The following PSMB2 variants were observed in gnomAD, a reference collection of about 807,000 sequenced individuals.
PSMB2 encodes proteasome subunit beta type-2.
PSMB2 carries 13 observed loss-of-function variants against 25.7 expected under a neutral mutation model. That is an observed-to-expected ratio of 0.51 (90% CI 0.33 to 0.80). The LOEUF is 0.80. Among genes scored for constraint, PSMB2 ranks in the 30% least tolerant of loss-of-function variants. PSMB2 has a pLI of 0.02. For synonymous variants in PSMB2, 87 were observed against 96.2 expected (o/e 0.90, Z 0.56); for missense variants, 202 against 259.0 (o/e 0.78, Z 1.51).
chr1:35,603,317 T>C lies in PSMB2; in HGVS notation c.556A>G (p.Asn186Asp), dbSNP rs1203949951. Residue 186 changes from asparagine to aspartate, a missense_variant, in exon 6 of 6, where the codon AAT (asparagine) becomes GAT (aspartate). By Grantham distance (23) the Asn-to-Asp change is conservative (BLOSUM62 1). Transcript: ENST00000373237. ...ATGTTATCCAGGTCATGGATGCCAT[T>C]TTTGTCAATGATTCGAACACTGAAG... is the stretch of plus-strand genomic sequence containing the variant. Reference protein sequence around the residue: ...PTFSVRIIDKNGIHDLDNISF... With the variant: ...PTFSVRIIDKDGIHDLDNISF... 6.2e-7 allele frequency: 1 copy of C among 1,614,168 alleles called. No individual in the cohort carries two copies. Among genetic ancestry groups the C allele is most frequent in the East Asian group, 2.2e-5 (1 of 44,886 alleles).
Position 35,602,343 on chromosome 1 carries a change from A to G in PSMB2, c.*924T>C, listed in dbSNP as rs897537277. On this transcript the variant is annotated 3_prime_UTR_variant, in exon 6 of 6. Coordinates refer to ENST00000373237, the MANE Select transcript of PSMB2 (RefSeq NM_002794.5). ...AGACCCTGTCTCTAAATAAATAAAT[A>G]AATCTAAAAAATTTAAAGGGGGCAT... 4 of 152,206 alleles carry G rather than the reference A, an allele frequency of 2.6e-5. No individual in the cohort carries two copies. The highest frequency in any genetic ancestry group is 9.7e-5 in the African/African-American group (4 of 41,448). The allele number at this position is 152,206 out of a possible 1,614,324, so 9.4% of individuals were successfully genotyped here. A position where few individuals can be genotyped will look rare whatever the true frequency, so the allele number is the denominator to read the frequency against.
rs1188608814 is a variant in PSMB2, at chr1:35,603,289, G to A, written c.584C>T (p.Ser195Phe). 6.2e-7 allele frequency: 1 copy of A among 1,614,136 alleles called. No individual in the cohort carries two copies. The highest frequency in any genetic ancestry group is 8.5e-7 in the Non-Finnish European group (1 of 1,179,992). Residue 195 changes from serine (S) to phenylalanine (F), a missense_variant, in exon 6 of 6, where the codon TCC becomes TTC. Physicochemically the swap from Ser to Phe is radical, Grantham distance 155. Coordinates refer to ENST00000373237, the MANE Select transcript of PSMB2 (RefSeq NM_002794.5). ...KNGIHDLDNISFPKQGS is the reference protein window; with the variant it reads ...KNGIHDLDNIFFPKQGS ...ATGTTAGGAGCCCTGTTTGGGGAAG[G>A]AAATGTTATCCAGGTCATGGATGCC...
chr1:35,639,798 A>G (rs764531517), intron 1 of PSMB2, among the ~76,000 whole-genome samples: 1 of 152,236 alleles, frequency 6.6e-6, no homozygotes, highest in Non-Finnish European at 1.5e-5. Flanking sequence ...ATTTACTCTC[A>G]AAACAAATTC....
At chr1:35,630,923 T>C (rs749282065) in intron 3 of PSMB2, among the ~76,000 whole-genome samples, 4 of 152,130 alleles carry the variant, frequency 2.6e-5, no homozygotes, top group Admixed American at 6.5e-5. Context: ...ATGCTATACA[T>C]GTGGGTGAGG....
At chr1:35,638,668 G>A (rs940340050) in intron 1 of PSMB2, among the ~76,000 whole-genome samples, 3 of 152,180 alleles carry the variant, frequency 2.0e-5, no homozygotes, top group Non-Finnish European at 4.4e-5. Context: ...ATTCTGTGTG[G>A]GCTGGAGTAC....
Position 35,603,188 on chromosome 1 carries a change from T to A in PSMB2, c.*79A>T, listed in dbSNP as rs1222141719. 4 of 1,543,622 alleles carry A rather than the reference T, an allele frequency of 2.6e-6. No homozygotes were observed. In the East Asian group the frequency reaches 9.1e-5, roughly 35 times the overall value. On this transcript the variant is annotated 3_prime_UTR_variant, in exon 6 of 6. Coordinates refer to ENST00000373237, the MANE Select transcript of PSMB2 (RefSeq NM_002794.5). ...TTCTGAATTAACCATTTATCAAGAGTGCGCCTGAAAAGAGTAGAAAAAAAT... is the reference window on the plus strand; with the variant it reads ...TTCTGAATTAACCATTTATCAAGAGAGCGCCTGAAAAGAGTAGAAAAAAAT...
intron 3 of PSMB2, among the ~76,000 whole-genome samples, chr1:35,618,820 A>G (rs114152545): frequency 0.012 from 1,806 of 152,326 alleles, 40 homozygotes; most frequent in African/African-American, 0.042. Context: ...CAAAATCAGA[A>G]TACTATAATG....
chr1:35,631,129 TTGG>T, intron 3 of PSMB2, 142 bp downstream of exon 3: 1 of 710,146 alleles, frequency 1.4e-6, no homozygotes, highest in Non-Finnish European at 2.4e-6. Flanking sequence ...CACAAAGACA[TTGG>T]ACTTAAGAAT....
intron 3 of PSMB2, among the ~76,000 whole-genome samples, chr1:35,620,735 AC>A (rs200453246): frequency 6.6e-6 from 1 of 151,372 alleles, no homozygotes; most frequent in African/African-American, 2.4e-5. Flanking sequence ...CAAAAAAAAA[AC>A]AAAAAAACCC....
At chr1:35,633,581 C>T (rs1032626507) in intron 2 of PSMB2, among the ~76,000 whole-genome samples, 1 of 152,216 alleles carries the variant, frequency 6.6e-6, no homozygotes, top group African/African-American at 2.4e-5. Context: ...TCTCTCAGGA[C>T]AGCCAGTGAA....
intron 4 of PSMB2, among the ~76,000 whole-genome samples, chr1:35,606,182 G>C (rs1291675264): frequency 6.6e-6 from 1 of 152,160 alleles, no homozygotes; most frequent in Non-Finnish European, 1.5e-5. Flanking sequence ...AAGCATCCCT[G>C]TGTCTAGGAA....
chr1:35,615,784 G>A (rs1023823089), intron 3 of PSMB2, among the ~76,000 whole-genome samples: 6 of 152,196 alleles, frequency 3.9e-5, no homozygotes, highest in Non-Finnish European at 8.8e-5. Context: ...TTGGAGAATG[G>A]TGCAATTTCT....
chr1:35,605,514 A>G (rs1200839820), intron 4 of PSMB2, among the ~76,000 whole-genome samples: 1 of 152,258 alleles, frequency 6.6e-6, no homozygotes, highest in Non-Finnish European at 1.5e-5. Flanking sequence ...GATTTGCTAC[A>G]GTAAAGGGTG....
intron 5 of PSMB2, 37 bp from the exon 6 acceptor site, chr1:35,603,411 A>T: frequency 6.2e-7 from 1 of 1,610,496 alleles, no homozygotes; most frequent in South Asian, 1.1e-5. Context: ...TCAACAAATG[A>T]TTACTAAGTT....
At chr1:35,608,344 G>A (rs541447461) in intron 4 of PSMB2, among the ~76,000 whole-genome samples, 7 of 150,794 alleles carry the variant, frequency 4.6e-5, no homozygotes, top group South Asian at 2.1e-4. Flanking sequence ...CAGCCTGGGC[G>A]ACAGAGGGAG....
intron 3 of PSMB2, among the ~76,000 whole-genome samples, chr1:35,618,341 T>C (rs1220651017): frequency 6.6e-6 from 1 of 152,004 alleles, no homozygotes; most frequent in Non-Finnish European, 1.5e-5. Context: ...CAAAGACAGA[T>C]GGGAAGAGAA....
At chr1:35,639,634 G>C (rs1651337753) in intron 1 of PSMB2, among the ~76,000 whole-genome samples, 1 of 152,106 alleles carries the variant, frequency 6.6e-6, no homozygotes, top group Non-Finnish European at 1.5e-5. Flanking sequence ...ACATAAGTAG[G>C]CTTAAAGCAC....
chr1:35,638,537 C>T (rs1017189406), intron 1 of PSMB2, among the ~76,000 whole-genome samples: 3 of 152,164 alleles, frequency 2.0e-5, no homozygotes, highest in Non-Finnish European at 4.4e-5. Context: ...ATATGACTTA[C>T]CCCTGTCTAA....
chr1:35,611,583 G>C (rs1023583024), intron 3 of PSMB2, among the ~76,000 whole-genome samples: 1 of 152,170 alleles, frequency 6.6e-6, no homozygotes, highest in South Asian at 2.1e-4. Flanking sequence ...CAGCACTTTG[G>C]GAGGCCGAGG....
Sources: allele counts gnomAD v4.1 joint callset (sites outside exome capture counted in the v4.1 genomes callset), GRCh38; gene constraint gnomAD v4.1.1; transcripts MANE v1.5; gene names NCBI Gene and HGNC (gene_info 2026-07-23, HGNC 2026-07-21).